The following DMD variants were observed in gnomAD, a reference collection of about 807,000 sequenced individuals.
DMD encodes dystrophin, also known as mutant dystrophin.
In DMD, 63 loss-of-function variants were observed where a neutral mutation model predicts 330.1. The observed-to-expected ratio is 0.19, with a 90% CI of 0.16 to 0.24. DMD has a LOEUF of 0.24. DMD is among the 10% of genes least tolerant of loss of function. The pLI is 1.00. For missense variants in DMD, 3,344 were observed against 2,684.1 expected (o/e 1.25, Z -5.43); for synonymous variants, 1,223 against 959.8 (o/e 1.27, Z -5.07).
At chrX:32,107,953 G>T (rs1569543336) in intron 44 of DMD, among the ~76,000 whole-genome samples, 4 of 111,035 alleles carry the variant, frequency 3.6e-5, no homozygotes, top group African/African-American at 9.8e-5. Context: ...TGGGTTTGAT[G>T]CCCCATAACT....
chrX:32,767,673 A>G (rs866253779), intron 7 of DMD, among the ~76,000 whole-genome samples: 1 of 111,865 alleles, frequency 8.9e-6, no homozygotes, highest in Middle Eastern at 4.2e-3. Flanking sequence ...CATCTGGAAT[A>G]TTAAGCTAAT....
In DMD at chrX:33,211,528, G is replaced by A; in HGVS notation, c.-216C>T. 1 of 1,069,376 alleles carries A rather than the reference G, an allele frequency of 9.4e-7. No homozygotes were observed. Among genetic ancestry groups the A allele is most frequent in the Non-Finnish European group, 1.2e-6 (1 of 825,875 alleles). The allele number at this position is 1,069,376 out of a possible 1,213,427, so 88.1% of individuals were successfully genotyped here. A position where few individuals can be genotyped will look rare whatever the true frequency, so the allele number is the denominator to read the frequency against. On this transcript the variant is annotated 5_prime_UTR_variant, in exon 1 of 79. Transcript: ENST00000357033. ...GGAAAGTGAGTGATCCCAACACTGA[G>A]TGAGTCAACACAGTAACTGATGCCA...
intron 7 of DMD, among the ~76,000 whole-genome samples, chrX:32,783,074 TAC>T (rs1321276826): frequency 1.6e-4 from 16 of 102,443 alleles, no homozygotes; most frequent in East Asian, 3.1e-4. Context: ...GGTGTATATA[TAC>T]ACACACATAT....
intron 7 of DMD, among the ~76,000 whole-genome samples, chrX:32,708,241 T>G (rs1196760679): frequency 9.0e-6 from 1 of 110,806 alleles, no homozygotes; most frequent in African/African-American, 3.3e-5. Context: ...GGCAAATTAC[T>G]CAATGATGAC....
At chrX:32,572,115 A>G (rs2052489520) in intron 15 of DMD, among the ~76,000 whole-genome samples, 1 of 111,982 alleles carries the variant, frequency 8.9e-6, no homozygotes, top group Non-Finnish European at 1.9e-5. Flanking sequence ...ATCACTTAAT[A>G]AAGTCCATAT....
chrX:32,448,711 A>G (rs1177144152), intron 26 of DMD, 73 bp from the exon 27 acceptor site: 15 of 969,688 alleles, frequency 1.5e-5, no homozygotes, highest in Middle Eastern at 4.0e-4. Flanking sequence ...TATGAATCAT[A>G]TAATTTCTTT....
chrX:32,442,724 T>A (rs1304504166), intron 27 of DMD, among the ~76,000 whole-genome samples: 3 of 110,195 alleles, frequency 2.7e-5, no homozygotes, highest in Non-Finnish European at 5.7e-5. Context: ...CTTTTTGTAG[T>A]AATCAAAAAA....
intron 51 of DMD, among the ~76,000 whole-genome samples, chrX:31,760,983 C>T (rs1180818918): frequency 1.2e-5 from 1 of 84,935 alleles, no homozygotes; most frequent in Non-Finnish European, 2.2e-5. Context: ...CTTGCTCTGT[C>T]GCCCAGGCTG....
At chrX:31,979,587 C>A (rs1331401359) in intron 44 of DMD, among the ~76,000 whole-genome samples, 1 of 106,798 alleles carries the variant, frequency 9.4e-6, no homozygotes, top group Non-Finnish European at 1.9e-5. Flanking sequence ...TGATTAAATT[C>A]TATTTCTGTA....
At chrX:32,433,502 G>A (rs1346234764) in intron 29 of DMD, among the ~76,000 whole-genome samples, 2 of 111,617 alleles carry the variant, frequency 1.8e-5, no homozygotes, top group Non-Finnish European at 1.9e-5. Flanking sequence ...ACATGGTGAA[G>A]CTCCATCTCT....
intron 30 of DMD, among the ~76,000 whole-genome samples, chrX:32,396,618 T>A (rs1468901593): frequency 9.0e-6 from 1 of 111,108 alleles, no homozygotes; most frequent in Non-Finnish European, 1.9e-5. Flanking sequence ...TTTTGCTTTT[T>A]TTTGCCAGAG....
intron 52 of DMD, among the ~76,000 whole-genome samples, chrX:31,728,552 C>T (rs1286230490): frequency 8.9e-6 from 1 of 111,776 alleles, no homozygotes; most frequent in Admixed American, 9.5e-5. Context: ...AAATATTAAC[C>T]TTTTACTCTG....
At chrX:32,701,262 C>A (rs997718287) in intron 7 of DMD, among the ~76,000 whole-genome samples, 8 of 111,841 alleles carry the variant, frequency 7.2e-5, no homozygotes, top group African/African-American at 1.9e-4. Flanking sequence ...TTGTTTTATT[C>A]ATTTATTCAA....
intron 2 of DMD, among the ~76,000 whole-genome samples, chrX:32,912,030 G>A (rs867482584): frequency 1.5e-5 from 1 of 64,720 alleles, no homozygotes; most frequent in Non-Finnish European, 2.9e-5. Flanking sequence ...GGAGAGAAGG[G>A]GAGAGAGAGA....
intron 1 of DMD, among the ~76,000 whole-genome samples, chrX:33,328,238 C>A (rs994012108): frequency 6.3e-5 from 7 of 111,390 alleles, no homozygotes; most frequent in African/African-American, 2.3e-4. Context: ...GAATCTCACT[C>A]TGTCACCCAG....
chrX:33,322,630 T>C (rs2054032547), intron 1 of DMD, among the ~76,000 whole-genome samples: 1 of 111,507 alleles, frequency 9.0e-6, no homozygotes, highest in African/African-American at 3.3e-5. Context: ...TCAGTGTTAC[T>C]AAGTGAATGA....
intron 2 of DMD, among the ~76,000 whole-genome samples, chrX:32,862,607 T>C (rs2082150707): frequency 1.7e-5 from 1 of 58,779 alleles, no homozygotes; most frequent in South Asian, 1.0e-3. Flanking sequence ...TTATGGTAAA[T>C]GCTTTATCTT....
rs778403096 is a variant in DMD, at chrX:31,119,626, A to AAAAG, written c.*2289_*2292dup. Reference sequence around the variant, plus strand: ...AGCTAATGTGTCTAAAAGAAAAACAAAAAGATTAAAACAAAATTATTTATG... The same window carrying AAAAG: ...AGCTAATGTGTCTAAAAGAAAAACAAAAAGAAAGATTAAAACAAAATTATTTATG... On this transcript the variant is annotated 3_prime_UTR_variant, in exon 79 of 79. Coordinates refer to ENST00000357033, the MANE Select transcript of DMD (RefSeq NM_004006.3). The AAAAG allele has an allele frequency of 1.1e-4, 12 of 112,639 alleles. No homozygotes were observed. In the South Asian group the frequency reaches 1.5e-3, roughly 14 times the overall value. The allele number at this position is 112,639 out of a possible 1,213,427, so 9.3% of individuals were successfully genotyped here.
chrX:31,120,866 T>TATCAATCAATCA lies in DMD; in HGVS notation c.*1041_*1052dup, dbSNP rs71860126. 107 of 108,138 alleles carry TATCAATCAATCA rather than the reference T, an allele frequency of 9.9e-4. No homozygotes were observed. The highest frequency in any genetic ancestry group is 3.5e-3 in the African/African-American group (99 of 27,996). 8.9% of individuals were successfully genotyped at this position (108,138 alleles called of 1,213,427 possible). On this transcript the variant is annotated 3_prime_UTR_variant, in exon 79 of 79. Transcript: ENST00000357033. The stretch of plus-strand genomic sequence containing the variant: ...ATTGCTAGCAGCAGGAAGCTGAATG[T>TATCAATCAATCA]ATCAATCAATCAATCAATCAACCAA...
Sources: allele counts gnomAD v4.1 joint callset (sites outside exome capture counted in the v4.1 genomes callset), GRCh38; gene constraint gnomAD v4.1.1; transcripts MANE v1.5; gene names NCBI Gene and HGNC (gene_info 2026-07-23, HGNC 2026-07-21).